Variants in CCDC6 observed in about 807,000 individuals in gnomAD.
CCDC6 encodes coiled-coil domain containing 6.
In CCDC6, 20 loss-of-function variants were observed where a neutral mutation model predicts 56.6. The observed-to-expected ratio is 0.35, with a 90% confidence interval of 0.25 to 0.51. The LOEUF is 0.51. CCDC6 is among the 20% of genes least tolerant of loss of function. The pLI, the probability that CCDC6 is intolerant of heterozygous loss-of-function variation, is 0.95. For synonymous variants in CCDC6, 241 were observed against 234.4 expected (o/e 1.03, Z -0.26); for missense variants, 367 against 601.1 (o/e 0.61, Z 4.07).
intron 1 of CCDC6, among the ~76,000 whole-genome samples, chr10:59,869,415 A>AC (rs1776972333): frequency 1.3e-5 from 1 of 74,812 alleles, no homozygotes; most frequent in Non-Finnish European, 2.5e-5. Flanking sequence ...AAAAAAAAAA[A>AC]AAAACAGAAA....
chr10:59,874,019 G>A (rs968031910), intron 1 of CCDC6, among the ~76,000 whole-genome samples: 5 of 152,092 alleles, frequency 3.3e-5, no homozygotes, highest in Admixed American at 2.6e-4. Flanking sequence ...CATGGTCAGT[G>A]AAGATCTATG....
At chr10:59,839,707 GCTT>G (rs2070919479) in intron 2 of CCDC6, among the ~76,000 whole-genome samples, 2 of 152,144 alleles carry the variant, frequency 1.3e-5, no homozygotes, top group Admixed American at 1.3e-4. Context: ...TTCATATCCA[GCTT>G]CTTCTGCTAA....
intron 1 of CCDC6, among the ~76,000 whole-genome samples, chr10:59,879,870 G>A (rs2071318275): frequency 1.3e-5 from 2 of 152,092 alleles, no homozygotes; most frequent in Admixed American, 1.3e-4. Flanking sequence ...ACCCAAGCTT[G>A]TTCAATATGT....
chr10:59,811,555 G>A (rs2132631029), intron 5 of CCDC6, among the ~76,000 whole-genome samples: 1 of 152,296 alleles, frequency 6.6e-6, no homozygotes, highest in Middle Eastern at 3.4e-3. Flanking sequence ...GTATGTATCA[G>A]CAGGGGAGAA....
At chr10:59,869,389 CAAAAAAAAAAAAAAA>C (rs1167007522) in intron 1 of CCDC6, among the ~76,000 whole-genome samples, 4 of 6,100 alleles carry the variant, frequency 6.6e-4, no homozygotes, top group Admixed American at 4.1e-3. Flanking sequence ...CTTGCTCAGG[CAAAAAAAAAAAAAAA>C]AAAAAAAAAA....
chr10:59,815,133 C>T (rs1001286711), intron 3 of CCDC6, among the ~76,000 whole-genome samples: 1 of 152,120 alleles, frequency 6.6e-6, no homozygotes, highest in Non-Finnish European at 1.5e-5. Flanking sequence ...TTGTCCCTTA[C>T]AGTAAGTCAG....
intron 3 of CCDC6, among the ~76,000 whole-genome samples, chr10:59,817,091 T>A (rs769400317): frequency 1.3e-5 from 2 of 152,198 alleles, no homozygotes; most frequent in Non-Finnish European, 2.9e-5. Flanking sequence ...CAATGAGAAA[T>A]TGTGGGACCC....
chr10:59,792,928 A>C lies in CCDC6; in HGVS notation c.1414T>G (p.Ser472Ala). The change falls in exon 9 of 9, where the codon TCC (serine) becomes GCC (alanine). Residue 472 changes from serine to alanine, a missense_variant. Ser to Ala is a moderately conservative substitution (Grantham distance 99, BLOSUM62 1). This residue lies in a region of CCDC6 where 54 missense variants were observed against 60.0 expected (regional missense o/e 0.90). Transcript: ENST00000263102. The part of the protein sequence containing the change: ...TPSQHSAHPS[S>A]QP ...ACTAAGCTCATGCATTAAGGCTGGG[A>C]GGAGGGGTGCGCCGAATGTTGCGAA... 1 of 1,609,918 alleles carries C rather than the reference A, an allele frequency of 6.2e-7. No homozygotes were observed. Among genetic ancestry groups the C allele is most frequent in the South Asian group, 1.1e-5 (1 of 90,262 alleles).
intron 1 of CCDC6, among the ~76,000 whole-genome samples, chr10:59,902,512 G>A (rs1241746933): frequency 6.7e-6 from 1 of 149,224 alleles, no homozygotes; most frequent in Non-Finnish European, 1.5e-5. Flanking sequence ...TCCTGCCTCA[G>A]CCTCCAAAGA....
chr10:59,834,150 C>T (rs535034735), intron 2 of CCDC6, among the ~76,000 whole-genome samples: 1 of 152,202 alleles, frequency 6.6e-6, no homozygotes, highest in Non-Finnish European at 1.5e-5. Context: ...TGAGGCAAGC[C>T]TGATCATCCT....
At chr10:59,808,141 A>G (rs1034298548) in intron 5 of CCDC6, among the ~76,000 whole-genome samples, 2 of 152,006 alleles carry the variant, frequency 1.3e-5, no homozygotes, top group Non-Finnish European at 2.9e-5. Flanking sequence ...GCTCCCCCAC[A>G]AATCCAGGTC....
At chr10:59,875,753 C>T (rs78007788) in intron 1 of CCDC6, among the ~76,000 whole-genome samples, 2,549 of 152,300 alleles carry the variant, frequency 0.017, 29 homozygotes, top group Middle Eastern at 0.044. Context: ...TTTTCAGGAA[C>T]ACATGCATCA....
intron 7 of CCDC6, among the ~76,000 whole-genome samples, chr10:59,804,074 A>G (rs2070599025): frequency 6.6e-6 from 1 of 152,198 alleles, no homozygotes; most frequent in Admixed American, 6.5e-5. Flanking sequence ...AAGGTGTGCT[A>G]TGATGCATCT....
chr10:59,850,598 T>G (rs1033999132), intron 2 of CCDC6, among the ~76,000 whole-genome samples: 1 of 152,224 alleles, frequency 6.6e-6, no homozygotes, highest in Non-Finnish European at 1.5e-5. Context: ...GTATACCACT[T>G]TTGGAAATAA....
intron 2 of CCDC6, among the ~76,000 whole-genome samples, chr10:59,836,510 TAAAGTC>T (rs1438705575): frequency 6.6e-6 from 1 of 152,166 alleles, no homozygotes; most frequent in East Asian, 1.9e-4. Flanking sequence ...AATCTTCCAA[TAAAGTC>T]AAAGATCCTG....
At chr10:59,871,378 C>T (rs909770871) in intron 1 of CCDC6, among the ~76,000 whole-genome samples, 7 of 149,072 alleles carry the variant, frequency 4.7e-5, no homozygotes, top group East Asian at 4.0e-4. Context: ...TGTGTATACA[C>T]GTACACACAA....
At position 59,789,828 on chromosome 10, in the gene CCDC6, G is replaced by T. The variant is rs1453113267; in HGVS notation, c.*3089C>A. On this transcript the variant is annotated 3_prime_UTR_variant, in exon 9 of 9. Transcript: ENST00000263102. ...AAAGTTCATGTCTACCTAACAAAGGGTGATACATGTTCTATTTTCCTACAA... is the reference window on the plus strand; with the variant it reads ...AAAGTTCATGTCTACCTAACAAAGGTTGATACATGTTCTATTTTCCTACAA... 1 of 218,780 alleles carries T rather than the reference G, an allele frequency of 4.6e-6. No homozygotes were observed. The highest frequency in any genetic ancestry group is 1.9e-4 in the South Asian group (1 of 5,384). The allele number at this position is 218,780 out of a possible 1,614,324, so 13.6% of individuals were successfully genotyped here. A position where few individuals can be genotyped will look rare whatever the true frequency, so the allele number is the denominator to read the frequency against.
chr10:59,866,353 T>C (rs1589054673), intron 1 of CCDC6, among the ~76,000 whole-genome samples: 1 of 152,216 alleles, frequency 6.6e-6, no homozygotes, highest in East Asian at 1.9e-4. Flanking sequence ...AAGCTAAGCA[T>C]TTTTATCTAC....
intron 1 of CCDC6, among the ~76,000 whole-genome samples, chr10:59,871,959 G>A (rs886848226): frequency 2.6e-5 from 4 of 152,178 alleles, no homozygotes; most frequent in Admixed American, 6.5e-5. Context: ...AAGGGAAATG[G>A]ATTACAGGAA....
Sources: gnomAD v4.1 joint callset for allele counts (sites outside exome capture counted in the v4.1 genomes callset) on GRCh38, gnomAD v4.1.1 for gene constraint, gnomAD v4.1.1 regional missense constraint, MANE v1.5 for transcripts, NCBI Gene and HGNC (gene_info 2026-07-23, HGNC 2026-07-21) for gene names.